The following PPARA variants were observed in gnomAD, a reference collection of about 807,000 sequenced individuals.
PPARA encodes the protein peroxisome proliferator-activated receptor alpha.
PPARA carries 22 observed loss-of-function variants against 42.2 expected under a neutral mutation model. That is an observed-to-expected ratio of 0.52 (90% CI 0.37 to 0.74). PPARA has a LOEUF of 0.74. PPARA is among the 30% of genes least tolerant of loss of function. PPARA has a pLI of 0.00. For missense variants in PPARA, 465 were observed against 608.2 expected (o/e 0.76, Z 2.48); for synonymous variants, 242 against 239.3 (o/e 1.01, Z -0.10).
At position 46,239,641 on chromosome 22, in the gene PPARA, A is replaced by ACCCCCCCCCCCCCCCCCC. The variant is rs1936317836; in HGVS notation, c.*4267_*4268insCCCCCCCCCCCCCCCCCC. 1 of 133,760 alleles carries ACCCCCCCCCCCCCCCCCC rather than the reference A, an allele frequency of 7.5e-6. No homozygotes were observed. Among genetic ancestry groups the ACCCCCCCCCCCCCCCCCC allele is most frequent in the African/African-American group, 2.8e-5 (1 of 35,604 alleles). The allele number at this position is 133,760 out of a possible 1,614,324, so 8.3% of individuals were successfully genotyped here. A position where few individuals can be genotyped will look rare whatever the true frequency, so the allele number is the denominator to read the frequency against. On this transcript the variant is annotated 3_prime_UTR_variant, in exon 9 of 9. Coordinates refer to ENST00000407236, the MANE Select transcript of PPARA (RefSeq NM_005036.6). The stretch of plus-strand genomic sequence containing the variant: ...CGATGGTCCCGGCCTGCAGTGACAA[A>ACCCCCCCCCCCCCCCCCC]CCCCCCTCCCCGCACCGCCCCCAGC...
At chr22:46,206,313 C>T (rs936058233) in intron 4 of PPARA, among the ~76,000 whole-genome samples, 11 of 152,264 alleles carry the variant, frequency 7.2e-5, no homozygotes, top group Non-Finnish European at 1.2e-4. Context: ...AGACGGGTTT[C>T]ACTATGTTGG....
intron 6 of PPARA, 21 bp downstream of exon 6, chr22:46,218,422 C>A: frequency 6.2e-7 from 1 of 1,614,070 alleles, no homozygotes; most frequent in African/African-American, 1.3e-5. Flanking sequence ...TGGCCCTGCA[C>A]ATTTTCCCAG....
intron 2 of PPARA, chr22:46,164,064 A>G (rs7286871): frequency 0.073 from 11,147 of 151,792 alleles, 1,322 homozygotes; most frequent in African/African-American, 0.25. Flanking sequence ...AAAACTACAA[A>G]AAAAATTACC....
At chr22:46,202,706 C>T (rs1315352869) in intron 4 of PPARA, among the ~76,000 whole-genome samples, 1 of 151,496 alleles carries the variant, frequency 6.6e-6, no homozygotes, top group Non-Finnish European at 1.5e-5. Flanking sequence ...ACTCTTGCTG[C>T]CCAGGCTGGA....
At position 46,161,743 on chromosome 22, in the gene PPARA, G is replaced by A. The variant is rs996159103; in HGVS notation, c.-127+9773G>A. 1.3e-5 allele frequency among the ~76,000 whole-genome samples: 2 copies of A among 152,220 alleles called. No individual in the cohort carries two copies. The highest frequency in any genetic ancestry group is 6.5e-5 in the Admixed American group (1 of 15,284). On this transcript the variant is annotated intron_variant, in intron 2 of 8. Coordinates refer to ENST00000407236, the MANE Select transcript of PPARA (RefSeq NM_005036.6). The surrounding 1 kb of genome is among the most constrained non-coding windows in gnomAD (Gnocchi z 4.8). ...GTGAAGTTAAATCACCAAAGGACCA[G>A]GTGAGCAGATGTGGACTTTCCGACT...
Position 46,173,096 on chromosome 22 carries a change from G to T in PPARA, c.-126-3657G>T, listed in dbSNP as rs771185108. On this transcript the variant is annotated intron_variant, in intron 2 of 8. Coordinates refer to ENST00000407236, the MANE Select transcript of PPARA (RefSeq NM_005036.6). This position sits in a 1 kb window ranked among gnomAD's most constrained non-coding sequence, Gnocchi z 4.3. ...TAGAAAAGGATTTGTCCTGCAACCA[G>T]CTCTTGCAGAAGGTACTTGGTTTAT... is the stretch of plus-strand genomic sequence containing the variant. Among the ~76,000 whole-genome samples, 2 of 152,194 alleles carry T rather than the reference G, an allele frequency of 1.3e-5. No individual in the cohort carries two copies. The highest frequency in any genetic ancestry group is 2.9e-5 in the Non-Finnish European group (2 of 68,038).
intron 2 of PPARA, among the ~76,000 whole-genome samples, chr22:46,157,177 C>T (rs573157499): frequency 2.6e-5 from 4 of 152,258 alleles, no homozygotes; most frequent in African/African-American, 7.2e-5. Flanking sequence ...ATTTCTGCCC[C>T]GCTAGCCGTG....
At chr22:46,170,200 A>G (rs1007479169) in intron 2 of PPARA, among the ~76,000 whole-genome samples, 14 of 150,790 alleles carry the variant, frequency 9.3e-5, no homozygotes, top group Non-Finnish European at 1.5e-4. Flanking sequence ...TCATAGGTCC[A>G]TTACTTAAAA....
intron 4 of PPARA, among the ~76,000 whole-genome samples, chr22:46,209,906 T>C (rs2147495081): frequency 6.6e-6 from 1 of 152,132 alleles, no homozygotes; most frequent in East Asian, 1.9e-4. Context: ...CCACCACACC[T>C]GGCTAATTTT....
intron 4 of PPARA, among the ~76,000 whole-genome samples, chr22:46,205,533 TATATATATATATATA>T (rs1569225959): frequency 1.8e-4 from 6 of 32,916 alleles, no homozygotes; most frequent in African/African-American, 3.0e-4. Context: ...TATATATATA[TATATATATATATATA>T]TATATATTTT....
rs1569232182 is a variant in PPARA at position 46,212,176 on chromosome 22, C to A, written c.209-2997C>A. On this transcript the variant is annotated intron_variant, in intron 4 of 8. Coordinates refer to ENST00000407236, the MANE Select transcript of PPARA (RefSeq NM_005036.6). The surrounding 1 kb of genome is among the most constrained non-coding windows in gnomAD (Gnocchi z 4.2). The stretch of plus-strand genomic sequence containing the variant: ...GGCTCAGGTGATCCTCCCACCTCAG[C>A]CTCCCAAGTAGCTGGGATTACAGGT... Among the ~76,000 whole-genome samples, 1 of 152,152 alleles carries A rather than the reference C, an allele frequency of 6.6e-6. No individual in the cohort carries two copies. Among genetic ancestry groups the A allele is most frequent in the Non-Finnish European group, 1.5e-5 (1 of 68,020 alleles).
At position 46,233,298 on chromosome 22, in the gene PPARA, C is replaced by T. The variant is rs1376554999; in HGVS notation, c.1159+1059C>T. ...AGATCCCAGGGAAGGCCGATCTGGT[C>T]CTCTCTGTGGAAGCTGGCTCTGCAG... On this transcript the variant is annotated intron_variant, in intron 8 of 8. Coordinates refer to ENST00000407236, the MANE Select transcript of PPARA (RefSeq NM_005036.6). The surrounding 1 kb of genome is among the most constrained non-coding windows in gnomAD (Gnocchi z 7.3). 6.6e-6 allele frequency among the ~76,000 whole-genome samples: 1 copy of T among 152,106 alleles called. No homozygotes were observed.
In PPARA at chr22:46,173,164, CTTAAA is replaced by C. The variant is rs1280792925; in HGVS notation, c.-126-3588_-126-3584del. On this transcript the variant is annotated intron_variant, in intron 2 of 8. Coordinates refer to ENST00000407236, the MANE Select transcript of PPARA (RefSeq NM_005036.6). This position sits in a 1 kb window ranked among gnomAD's most constrained non-coding sequence, Gnocchi z 4.3. ...TAAATGTTTGAATTATGTTGAGTTG[CTTAAA>C]GTCATGCTATCGGGTAGATGTTGTG... is the stretch of plus-strand genomic sequence containing the variant. Among the ~76,000 whole-genome samples, 1 of 152,206 alleles carries C rather than the reference CTTAAA, an allele frequency of 6.6e-6. No individual in the cohort carries two copies. The highest frequency in any genetic ancestry group is 1.5e-5 in the Non-Finnish European group (1 of 68,032).
At position 46,211,209 on chromosome 22, in the gene PPARA, C is replaced by T. The variant is rs990164132; in HGVS notation, c.209-3964C>T. Among the ~76,000 whole-genome samples the T allele has an allele frequency of 6.6e-6, 1 of 152,218 alleles. No homozygotes were observed. Among genetic ancestry groups the T allele is most frequent in the African/African-American group, 2.4e-5 (1 of 41,468 alleles). ...CCATCTGTAGCTGTATGAAGCCAAACATGAGTGTGTGCTGATGTCTCCAGC... is the reference window on the plus strand; with the variant it reads ...CCATCTGTAGCTGTATGAAGCCAAATATGAGTGTGTGCTGATGTCTCCAGC... On this transcript the variant is annotated intron_variant, in intron 4 of 8. Transcript: ENST00000407236. This position sits in a 1 kb window ranked among gnomAD's most constrained non-coding sequence, Gnocchi z 4.1.
In PPARA at chr22:46,235,619, G is replaced by C; in HGVS notation, c.*239G>C. The C allele has an allele frequency of 1.8e-6, 1 of 549,036 alleles. No individual in the cohort carries two copies. The highest frequency in any genetic ancestry group is 3.3e-6 in the Non-Finnish European group (1 of 306,272). The allele number at this position is 549,036 out of a possible 1,614,324, so 34.0% of individuals were successfully genotyped here. A position where few individuals can be genotyped will look rare whatever the true frequency, so the allele number is the denominator to read the frequency against. ...TAATCTCAGGACTGGGAAGATTACG[G>C]CGAATTATGCTCAATGGTCTGATTT... On this transcript the variant is annotated 3_prime_UTR_variant, in exon 9 of 9. Transcript: ENST00000407236. This position sits in a 1 kb window ranked among gnomAD's most constrained non-coding sequence, Gnocchi z 7.0.
rs568892799 is a variant in PPARA, at chr22:46,233,827, C to CT, written c.1160-1292dup. On this transcript the variant is annotated intron_variant, in intron 8 of 8. Transcript: ENST00000407236. This position sits in a 1 kb window ranked among gnomAD's most constrained non-coding sequence, Gnocchi z 7.3. ...ATTTCTATTTTTCAAAAGATTCCTC[C>CT]TTTTTTTTTTTTTTGAGACAGAGTC... Among the ~76,000 whole-genome samples the CT allele has an allele frequency of 0.051, 7,348 of 142,848 alleles. 197 individuals are homozygous for CT. Among genetic ancestry groups the CT allele is most frequent in the Middle Eastern group, 0.085 (23 of 272 alleles). 93.7% of individuals were successfully genotyped at this position (142,848 alleles called of 152,430 possible).
intron 3 of PPARA, among the ~76,000 whole-genome samples, chr22:46,194,603 G>T (rs1460419189): frequency 7.8e-6 from 1 of 127,538 alleles, no homozygotes; most frequent in South Asian, 2.4e-4. Context: ...ACAGAGTCTC[G>T]CTTTGTCACC....
intron 2 of PPARA, chr22:46,176,058 G>A (rs1328211867): frequency 1.3e-5 from 2 of 152,240 alleles, no homozygotes; most frequent in Non-Finnish European, 2.9e-5. Context: ...AGGACTGCTT[G>A]ATCCTAGGAG....
chr22:46,156,696 G>A lies in PPARA; in HGVS notation c.-127+4726G>A, dbSNP rs1387426683. 6.6e-6 allele frequency: 1 copy of A among 152,196 alleles called. No homozygotes were observed. Among genetic ancestry groups the A allele is most frequent in the Admixed American group, 6.5e-5 (1 of 15,272 alleles). The allele number at this position is 152,196 out of a possible 1,614,324, so 9.4% of individuals were successfully genotyped here. A position where few individuals can be genotyped will look rare whatever the true frequency, so the allele number is the denominator to read the frequency against. On this transcript the variant is annotated intron_variant, in intron 2 of 8. Transcript: ENST00000407236. This position sits in a 1 kb window ranked among gnomAD's most constrained non-coding sequence, Gnocchi z 5.2. ...GGCTCACTGCAACCTCCGCCTCCCGGGTTCAAGCAATTCTCCCACCTCAGC... is the reference window on the plus strand; with the variant it reads ...GGCTCACTGCAACCTCCGCCTCCCGAGTTCAAGCAATTCTCCCACCTCAGC...
Sources: gnomAD v4.1 joint callset for allele counts (sites outside exome capture counted in the v4.1 genomes callset) on GRCh38, gnomAD v4.1.1 for gene constraint, Gnocchi (gnomAD v3.1) non-coding constraint, MANE v1.5 for transcripts, NCBI Gene and HGNC (gene_info 2026-07-23, HGNC 2026-07-21) for gene names.